ANKRD18A: variants seen among roughly 807,000 people sequenced by gnomAD.
ANKRD18A encodes the protein ankyrin repeat domain 18A.
A neutral mutation model predicts 110.6 loss-of-function variants in ANKRD18A; 72 were observed. The ratio of observed to expected loss-of-function variants is 0.65; its 90% confidence interval spans 0.54 to 0.79. The LOEUF (loss-of-function observed/expected upper bound fraction) is 0.79. Among genes scored for constraint, ANKRD18A ranks in the 30% least tolerant of loss-of-function variants. The pLI, the probability that ANKRD18A is intolerant of heterozygous loss-of-function variation, is 0.00. For missense variants in ANKRD18A, 934 were observed against 1,163.3 expected, an observed-to-expected ratio of 0.80 and a Z score of 2.87; for synonymous variants, 305 against 410.3, an observed-to-expected ratio of 0.74 and a Z score of 3.10.
chr9:38,593,065 T>C (rs1184946392), intron 10 of ANKRD18A, among the ~76,000 whole-genome samples: 1 of 152,228 alleles, frequency 6.6e-6, no homozygotes, highest in Non-Finnish European at 1.5e-5. Flanking sequence ...GAGTTGTACA[T>C]TTTAAATGGT....
intron 10 of ANKRD18A, among the ~76,000 whole-genome samples, chr9:38,592,423 A>G (rs1235595829): frequency 6.6e-6 from 1 of 152,204 alleles, no homozygotes; most frequent in Non-Finnish European, 1.5e-5. Context: ...GCTGAGATGT[A>G]AGGTCAGTGA....
In ANKRD18A at chr9:38,615,633, T is replaced by C. The variant is rs748636402; in HGVS notation, c.456A>G (p.Arg152=). 1 of 1,610,396 alleles carries C rather than the reference T, an allele frequency of 6.2e-7. No individual in the cohort carries two copies. Residue 152 remains arginine (R), a synonymous_variant, in exon 3 of 16, where the codon AGA becomes AGG. Transcript: ENST00000399703. The stretch of plus-strand genomic sequence containing the variant: ...CAATATTTGCATGGTGGGAAAGCAG[T>C]CTTTCTGCCAGTGAAGTCCCCTTAT... ...VYNKGTSLAE[R]LLSHHANIEA... is the part of the protein sequence containing the mutation.
At chr9:38,615,386 A>T (rs1825806396) in intron 3 of ANKRD18A, among the ~76,000 whole-genome samples, 2 of 152,230 alleles carry the variant, frequency 1.3e-5, no homozygotes, top group African/African-American at 4.8e-5. Context: ...TTACCTTAAC[A>T]AATTCACAAA....
In ANKRD18A at chr9:38,593,799, T is replaced by C. The variant is rs1563964525; in HGVS notation, c.1965A>G (p.Thr655=). ...GAAATAATTTCTTCTTTGAAGTCCATGTCTCATTCAAATTAATATGACAAT... is the reference window on the plus strand; with the variant it reads ...GAAATAATTTCTTCTTTGAAGTCCACGTCTCATTCAAATTAATATGACAAT... ...TSHCHINLNE[T]WTSKKKLFQV... is the part of the protein sequence containing the mutation. Residue 655 remains threonine, a synonymous_variant, in exon 10 of 16, where the codon ACA becomes ACG. Coordinates refer to ENST00000399703, the MANE Select transcript of ANKRD18A (RefSeq NM_147195.4). 4 of 1,541,986 alleles carry C rather than the reference T, an allele frequency of 2.6e-6. No homozygotes were observed. Among genetic ancestry groups the C allele is most frequent in the East Asian group, 2.5e-5 (1 of 40,618 alleles).
intron 6 of ANKRD18A, 122 bp downstream of exon 6, chr9:38,607,304 G>A (rs1433017969): frequency 3.1e-5 from 21 of 673,544 alleles, no homozygotes; most frequent in Non-Finnish European, 4.3e-5. Flanking sequence ...TGATCCACCC[G>A]CCTCGGCCTC....
chr9:38,580,272 C>T (rs553669511), intron 12 of ANKRD18A, among the ~76,000 whole-genome samples: 49 of 152,236 alleles, frequency 3.2e-4, no homozygotes, highest in African/African-American at 6.5e-4. Flanking sequence ...CAATGGTGCA[C>T]GCCCATAATC....
downstream of ANKRD18A, chr9:38,569,277 A>T: frequency 2.1e-6 from 2 of 952,866 alleles, no homozygotes; most frequent in South Asian, 9.6e-5. Flanking sequence ...GACTGTCAGC[A>T]CAGAACAGGC....
chr9:38,602,530 G>A (rs1258397893), intron 7 of ANKRD18A, among the ~76,000 whole-genome samples: 1 of 152,182 alleles, frequency 6.6e-6, no homozygotes, highest in African/African-American at 2.4e-5. Flanking sequence ...ATGGAGAATT[G>A]GGCAGAAGCC....
At chr9:38,590,947 T>A (rs1201865478) in intron 10 of ANKRD18A, among the ~76,000 whole-genome samples, 1 of 152,050 alleles carries the variant, frequency 6.6e-6, no homozygotes, top group Non-Finnish European at 1.5e-5. Flanking sequence ...CTAACTCAAT[T>A]CTATGGGAAT....
intron 1 of ANKRD18A, among the ~76,000 whole-genome samples, chr9:38,616,907 T>C (rs1825881855): frequency 6.6e-6 from 1 of 152,222 alleles, no homozygotes; most frequent in Non-Finnish European, 1.5e-5. Context: ...AATTTTTATA[T>C]GGTAGCATTT....
At chr9:38,591,766 C>T (rs879116867) in intron 10 of ANKRD18A, among the ~76,000 whole-genome samples, 2 of 152,084 alleles carry the variant, frequency 1.3e-5, no homozygotes, top group African/African-American at 4.8e-5. Context: ...GCAACAGTCA[C>T]GTATGTACTA....
intron 12 of ANKRD18A, among the ~76,000 whole-genome samples, chr9:38,579,414 A>G (rs1180125294): frequency 6.6e-6 from 1 of 152,198 alleles, no homozygotes; most frequent in Non-Finnish European, 1.5e-5. Flanking sequence ...CAAAATATCC[A>G]AATACACAAG....
At chr9:38,568,402 G>C (rs937397906), downstream of ANKRD18A, 1 of 151,988 alleles carries the variant, frequency 6.6e-6, no homozygotes, top group Non-Finnish European at 1.5e-5. Context: ...CTCTGCAAGG[G>C]TGTGCCAGGA....
intron 7 of ANKRD18A, among the ~76,000 whole-genome samples, chr9:38,602,679 A>C (rs550934021): frequency 2.2e-3 from 333 of 152,302 alleles, no homozygotes; most frequent in Non-Finnish European, 3.8e-3. Context: ...ATTTGACTTG[A>C]ATTTTCTGAG....
intron 12 of ANKRD18A, among the ~76,000 whole-genome samples, chr9:38,585,441 T>TC (rs757813277): frequency 6.6e-5 from 10 of 152,156 alleles, no homozygotes; most frequent in Non-Finnish European, 1.3e-4. Context: ...TTTATGATTT[T>TC]CCCTACAACT....
At chr9:38,584,031 T>C (rs1824271106) in intron 12 of ANKRD18A, among the ~76,000 whole-genome samples, 1 of 152,212 alleles carries the variant, frequency 6.6e-6, no homozygotes, top group African/African-American at 2.4e-5. Flanking sequence ...ATTCACGCCT[T>C]ATGCAGAGGA....
chr9:38,614,573 T>C (rs1374233798), intron 3 of ANKRD18A, among the ~76,000 whole-genome samples: 3 of 152,184 alleles, frequency 2.0e-5, no homozygotes, highest in African/African-American at 7.2e-5. Context: ...AATGCACAAT[T>C]CTAGCTGAGA....
At chr9:38,592,421 G>A (rs1380528587) in intron 10 of ANKRD18A, among the ~76,000 whole-genome samples, 1 of 152,212 alleles carries the variant, frequency 6.6e-6, no homozygotes, top group African/African-American at 2.4e-5. Context: ...GTGCTGAGAT[G>A]TAAGGTCAGT....
At chr9:38,602,830 C>G (rs1660920616) in intron 7 of ANKRD18A, among the ~76,000 whole-genome samples, 2 of 152,140 alleles carry the variant, frequency 1.3e-5, no homozygotes, top group South Asian at 4.1e-4. Flanking sequence ...AACACCACAC[C>G]CAGTTACAGT....
Sources: gnomAD v4.1 joint callset for allele counts (sites outside exome capture counted in the v4.1 genomes callset) on GRCh38, gnomAD v4.1.1 for gene constraint, MANE v1.5 for transcripts, NCBI Gene and HGNC (gene_info 2026-07-23, HGNC 2026-07-21) for gene names.